ATP6V1H: variants seen among roughly 807,000 people sequenced by gnomAD.
ATP6V1H encodes the protein ATPase H+ transporting V1 subunit H.
Under a neutral mutation model 71.7 loss-of-function variants are expected in ATP6V1H, and 39 were observed. The ratio of observed to expected loss-of-function variants is 0.54; its 90% CI spans 0.42 to 0.71. ATP6V1H has a LOEUF of 0.71. Ranked by LOEUF, ATP6V1H falls within the 30% of genes least tolerant of loss-of-function variation. The probability of loss-of-function intolerance (pLI) is 0.00; values close to 1 mark genes in which losing one functional copy is unlikely to be tolerated. For synonymous variants in ATP6V1H, 192 were observed against 199.3 expected (o/e 0.96, Z 0.31); for missense variants, 509 against 594.9 (o/e 0.86, Z 1.50).
At chr8:53,838,471 T>A (rs1468890599) in intron 2 of ATP6V1H, among the ~76,000 whole-genome samples, 1 of 152,198 alleles carries the variant, frequency 6.6e-6, no homozygotes, top group Non-Finnish European at 1.5e-5. Context: ...ACTCCCAGCA[T>A]TTATTTGCTC....
chr8:53,803,815 T>A (rs561931613), intron 7 of ATP6V1H, among the ~76,000 whole-genome samples: 13 of 152,324 alleles, frequency 8.5e-5, no homozygotes, highest in African/African-American at 2.6e-4. Flanking sequence ...GTAGAAACTT[T>A]TTCTAAAGAA....
intron 10 of ATP6V1H, among the ~76,000 whole-genome samples, chr8:53,771,150 T>C (rs1448711830): frequency 6.6e-6 from 1 of 152,154 alleles, no homozygotes; most frequent in African/African-American, 2.4e-5. Context: ...ATTACTGTTT[T>C]ACCAAAAGGA....
intron 8 of ATP6V1H, among the ~76,000 whole-genome samples, chr8:53,797,907 ATTC>A (rs1192189674): frequency 6.6e-6 from 1 of 152,178 alleles, no homozygotes; most frequent in Admixed American, 6.5e-5. Flanking sequence ...TTAGTTAATA[ATTC>A]TTCATATCAA....
At chr8:53,747,928 G>T (rs1446906687) in intron 12 of ATP6V1H, among the ~76,000 whole-genome samples, 1 of 151,676 alleles carries the variant, frequency 6.6e-6, no homozygotes, top group Non-Finnish European at 1.5e-5. Flanking sequence ...CACTTTGGGA[G>T]GCCAAGGTGG....
chr8:53,838,843 G>T (rs943504593), intron 2 of ATP6V1H, among the ~76,000 whole-genome samples: 1 of 152,166 alleles, frequency 6.6e-6, no homozygotes, highest in Non-Finnish European at 1.5e-5. Flanking sequence ...CGCTTCCACA[G>T]GTCTTATTAT....
intron 9 of ATP6V1H, among the ~76,000 whole-genome samples, chr8:53,788,095 C>A (rs1004512413): frequency 3.9e-5 from 6 of 152,136 alleles, no homozygotes; most frequent in Admixed American, 6.5e-5. Context: ...AATCAAATGG[C>A]TTTACTATGT....
At chr8:53,776,151 C>T (rs1039861038) in intron 9 of ATP6V1H, among the ~76,000 whole-genome samples, 29 of 152,224 alleles carry the variant, frequency 1.9e-4, no homozygotes, top group African/African-American at 6.3e-4. Flanking sequence ...GTGCTAAGTC[C>T]GTCATTGCCC....
At chr8:53,768,638 T>C (rs767235908) in intron 11 of ATP6V1H, among the ~76,000 whole-genome samples, 2 of 152,020 alleles carry the variant, frequency 1.3e-5, no homozygotes, top group Non-Finnish European at 2.9e-5. Flanking sequence ...TTCCACAACA[T>C]GGATGAGCCC....
At chr8:53,794,326 A>C (rs961495613) in intron 9 of ATP6V1H, among the ~76,000 whole-genome samples, 1 of 152,188 alleles carries the variant, frequency 6.6e-6, no homozygotes, top group Non-Finnish European at 1.5e-5. Context: ...TGTTATCTAC[A>C]TTAAATTTTG....
chr8:53,731,833 G>T (rs142581106), intron 13 of ATP6V1H, among the ~76,000 whole-genome samples: 2 of 152,232 alleles, frequency 1.3e-5, no homozygotes, highest in Non-Finnish European at 2.9e-5. Context: ...GAGCATCCCT[G>T]GGGGGGACTC....
Position 53,817,547 on chromosome 8 carries a change from A to G in ATP6V1H, c.307-17T>C. ...ATGATTTTCCTAAAAAAGAAAAGAA[A>G]TGATATCACCAGTCAGAACACATTT... On this transcript the variant is annotated splice_polypyrimidine_tract_variant and intron_variant, in intron 4 of 13. Coordinates refer to ENST00000359530, the MANE Select transcript of ATP6V1H (RefSeq NM_015941.4). The G allele has an allele frequency of 6.6e-7, 1 of 1,510,636 alleles. No individual in the cohort carries two copies. The highest frequency in any genetic ancestry group is 9.2e-7 in the Non-Finnish European group (1 of 1,092,542). The allele number at this position is 1,510,636 out of a possible 1,614,324, so 93.6% of individuals were successfully genotyped here. A position where few individuals can be genotyped will look rare whatever the true frequency, so the allele number is the denominator to read the frequency against.
At chr8:53,817,976 C>A (rs1272660548) in intron 4 of ATP6V1H, among the ~76,000 whole-genome samples, 1 of 152,146 alleles carries the variant, frequency 6.6e-6, no homozygotes, top group African/African-American at 2.4e-5. Flanking sequence ...TTAAATGAAT[C>A]GCAAATGTTC....
intron 4 of ATP6V1H, among the ~76,000 whole-genome samples, chr8:53,821,600 T>A (rs950996991): frequency 6.6e-6 from 1 of 152,146 alleles, no homozygotes; most frequent in Admixed American, 6.5e-5. Context: ...GGCATGAGAA[T>A]CACTTGAACT....
At chr8:53,745,712 C>T (rs775026922) in intron 12 of ATP6V1H, among the ~76,000 whole-genome samples, 2 of 150,468 alleles carry the variant, frequency 1.3e-5, no homozygotes, top group South Asian at 2.1e-4. Context: ...CACACACACA[C>T]AAAAACCCCA....
At chr8:53,835,530 T>A (rs934935905) in intron 2 of ATP6V1H, among the ~76,000 whole-genome samples, 1 of 152,196 alleles carries the variant, frequency 6.6e-6, no homozygotes, top group Admixed American at 6.5e-5. Flanking sequence ...CCCTTCTGGG[T>A]TTTGTACATA....
rs1241134235 is a variant in ATP6V1H at position 53,817,647 on chromosome 8, A to G, written c.307-117T>C. The stretch of plus-strand genomic sequence containing the variant: ...TGTGTTCTTTTTTCAGTGTGTGTGT[A>G]TGTGTGATTTGTCTGTCATTATTAC... On this transcript the variant is annotated intron_variant, in intron 4 of 13. Transcript: ENST00000359530. The G allele has an allele frequency of 2.8e-5, 17 of 610,866 alleles. No homozygotes were observed. The East Asian group carries it at 3.3e-4, about 12-fold the overall frequency. 37.8% of individuals were successfully genotyped at this position (610,866 alleles called of 1,614,324 possible). A position where few individuals can be genotyped will look rare whatever the true frequency, so the allele number is the denominator to read the frequency against.
rs542475056 is a variant in ATP6V1H at position 53,745,399 on chromosome 8, TA to T, written c.1278-1710del. Among the ~76,000 whole-genome samples, 342 of 150,372 alleles carry T rather than the reference TA, an allele frequency of 2.3e-3. 2 individuals are homozygous for T. Among genetic ancestry groups the T allele is most frequent in the African/African-American group, 8.1e-3 (331 of 40,936 alleles). The stretch of plus-strand genomic sequence containing the variant: ...AGCAACAGGGTAAGACCCTGTTTCT[TA>T]AAAAAAAACAAATAAAAATAAAACA... On this transcript the variant is annotated intron_variant, in intron 12 of 13. Transcript: ENST00000359530.
chr8:53,771,320 AAAAC>A (rs1320791481), intron 10 of ATP6V1H, among the ~76,000 whole-genome samples: 9 of 152,334 alleles, frequency 5.9e-5, no homozygotes, highest in African/African-American at 2.2e-4. Flanking sequence ...TGGTAATTTA[AAAAC>A]AAAGAATATG....
intron 9 of ATP6V1H, among the ~76,000 whole-genome samples, chr8:53,795,301 C>A (rs1809691759): frequency 6.6e-6 from 1 of 152,112 alleles, no homozygotes; most frequent in Non-Finnish European, 1.5e-5. Context: ...TGAAACACAA[C>A]TCCATACTAA....
Sources: allele counts gnomAD v4.1 joint callset (sites outside exome capture counted in the v4.1 genomes callset), GRCh38; gene constraint gnomAD v4.1.1; transcripts MANE v1.5; gene names NCBI Gene and HGNC (gene_info 2026-07-23, HGNC 2026-07-21).